The following CDH6 variants were observed in gnomAD, a reference collection of about 807,000 sequenced individuals.
CDH6 encodes the protein cadherin-6.
CDH6 carries 31 observed loss-of-function variants against 78.0 expected under a neutral mutation model. That is an observed-to-expected ratio of 0.40 (90% CI 0.30 to 0.54). The LOEUF is 0.54. CDH6 is among the 20% of genes least tolerant of loss of function. The pLI, the probability that CDH6 is intolerant of heterozygous loss-of-function variation, is 0.56. For synonymous variants in CDH6, 376 were observed against 368.8 expected, an observed-to-expected ratio of 1.02 and a Z score of -0.23; for missense variants, 724 against 975.9, an observed-to-expected ratio of 0.74 and a Z score of 3.44.
chr5:31,309,211 C>A (rs974777443), intron 7 of CDH6, among the ~76,000 whole-genome samples: 6 of 152,216 alleles, frequency 3.9e-5, no homozygotes, highest in African/African-American at 1.4e-4. Flanking sequence ...TTGTGAACTT[C>A]ATTAATTCTC....
chr5:31,310,366 G>A (rs1738113385), intron 7 of CDH6, among the ~76,000 whole-genome samples: 1 of 152,218 alleles, frequency 6.6e-6, no homozygotes, highest in South Asian at 2.1e-4. Context: ...CTCCATTCCT[G>A]TGGCTCTGAA....
At chr5:31,214,658 T>C (rs929520517) in intron 1 of CDH6, among the ~76,000 whole-genome samples, 3 of 152,224 alleles carry the variant, frequency 2.0e-5, no homozygotes, top group African/African-American at 7.2e-5. Context: ...TAAGCCTTTA[T>C]TTACTGATTG....
intron 2 of CDH6, among the ~76,000 whole-genome samples, chr5:31,292,355 C>A (rs777804698): frequency 1.3e-5 from 2 of 152,126 alleles, no homozygotes; most frequent in Non-Finnish European, 2.9e-5. Context: ...AAGAAAGAGG[C>A]CGTATATAAA....
rs1240853832 is a variant in CDH6 at position 31,324,906 on chromosome 5, C to T, written c.*1598C>T. The T allele has an allele frequency of 5.0e-6, 1 of 200,536 alleles. No individual in the cohort carries two copies. The highest frequency in any genetic ancestry group is 1.0e-5 in the Non-Finnish European group (1 of 97,798). The allele number at this position is 200,536 out of a possible 1,614,324, so 12.4% of individuals were successfully genotyped here. ...ATGAAAACATCCTTGTTTTGAAAAC[C>T]TAAAAGACAGGCTCTGTATATATAT... On this transcript the variant is annotated 3_prime_UTR_variant, in exon 12 of 12. Coordinates refer to ENST00000265071, the MANE Select transcript of CDH6 (RefSeq NM_004932.4).
chr5:31,222,366 G>T (rs1741025768), intron 1 of CDH6, among the ~76,000 whole-genome samples: 1 of 152,028 alleles, frequency 6.6e-6, no homozygotes, highest in Admixed American at 6.5e-5. Context: ...CAGAGAAAGT[G>T]AATTAGATAT....
At chr5:31,284,531 G>T (rs1742962310) in intron 2 of CDH6, among the ~76,000 whole-genome samples, 1 of 152,222 alleles carries the variant, frequency 6.6e-6, no homozygotes, top group African/African-American at 2.4e-5. Context: ...ATTCCCATGA[G>T]CCTTCCTGGG....
At chr5:31,261,384 A>T (rs1742207836) in intron 1 of CDH6, among the ~76,000 whole-genome samples, 1 of 152,226 alleles carries the variant, frequency 6.6e-6, no homozygotes, top group Non-Finnish European at 1.5e-5. Flanking sequence ...TATGATACTT[A>T]TGCTAAAAAG....
At chr5:31,302,968 G>GGAAGGAAAGA (rs1737870451) in intron 6 of CDH6, among the ~76,000 whole-genome samples, 110 of 119,056 alleles carry the variant, frequency 9.2e-4, no homozygotes, top group African/African-American at 3.3e-3. Context: ...GGAAAGAAAA[G>GGAAGGAAAGA]AAAGAAAGAA....
intron 1 of CDH6, among the ~76,000 whole-genome samples, chr5:31,261,046 C>T (rs957390290): frequency 6.6e-6 from 1 of 152,144 alleles, no homozygotes; most frequent in African/African-American, 2.4e-5. Flanking sequence ...CTTGAGCAAG[C>T]TTAATTGGCT....
intron 2 of CDH6, among the ~76,000 whole-genome samples, chr5:31,290,122 T>C (rs527628712): frequency 3.6e-4 from 54 of 152,102 alleles, no homozygotes; most frequent in African/African-American, 1.3e-3. Flanking sequence ...TAGCCAGGTG[T>C]GGTGGTGGAT....
At chr5:31,320,428 T>C (rs1479951635) in intron 11 of CDH6, among the ~76,000 whole-genome samples, 1 of 152,200 alleles carries the variant, frequency 6.6e-6, no homozygotes, top group Non-Finnish European at 1.5e-5. Flanking sequence ...AGGTGATAAA[T>C]GCCTGCCCCT....
At chr5:31,226,173 G>T (rs952366103) in intron 1 of CDH6, among the ~76,000 whole-genome samples, 1 of 151,988 alleles carries the variant, frequency 6.6e-6, no homozygotes, top group East Asian at 1.9e-4. Flanking sequence ...CACAGAGTAC[G>T]TATGTATGTA....
At chr5:31,250,566 G>A (rs1305909004) in intron 1 of CDH6, 1 of 152,670 alleles carries the variant, frequency 6.6e-6, no homozygotes, top group Non-Finnish European at 1.5e-5. Context: ...GGATGACAAG[G>A]ACAGAGACAC....
chr5:31,227,814 C>A (rs559105704), intron 1 of CDH6, among the ~76,000 whole-genome samples: 1 of 152,284 alleles, frequency 6.6e-6, no homozygotes, highest in South Asian at 2.1e-4. Flanking sequence ...CTACCTTAAC[C>A]ATCCTACATC....
At chr5:31,293,278 T>C (rs560556921) in intron 2 of CDH6, among the ~76,000 whole-genome samples, 4 of 152,306 alleles carry the variant, frequency 2.6e-5, no homozygotes, top group Non-Finnish European at 5.9e-5. Flanking sequence ...TTGTTCCAAG[T>C]GACCTGTAAA....
intron 1 of CDH6, among the ~76,000 whole-genome samples, chr5:31,210,875 CAGAT>C (rs2111803950): frequency 6.6e-6 from 1 of 152,186 alleles, no homozygotes; most frequent in Non-Finnish European, 1.5e-5. Flanking sequence ...GCTGAACGCA[CAGAT>C]ACAGAGGGCC....
Position 31,323,398 on chromosome 5 carries a change from C to A in CDH6, c.*90C>A. 1 of 1,417,102 alleles carries A rather than the reference C, an allele frequency of 7.1e-7. No individual in the cohort carries two copies. Among genetic ancestry groups the A allele is most frequent in the East Asian group, 2.3e-5 (1 of 43,422 alleles). 87.8% of individuals were successfully genotyped at this position (1,417,102 alleles called of 1,614,324 possible). ...TATCCACTACTCCGTGAAGGCTTCTCTGTTCTACCCGTTCCAAAAGCCAAT... is the reference window on the plus strand; with the variant it reads ...TATCCACTACTCCGTGAAGGCTTCTATGTTCTACCCGTTCCAAAAGCCAAT... On this transcript the variant is annotated 3_prime_UTR_variant, in exon 12 of 12. Coordinates refer to ENST00000265071, the MANE Select transcript of CDH6 (RefSeq NM_004932.4).
intron 1 of CDH6, among the ~76,000 whole-genome samples, chr5:31,236,626 G>T (rs1741461265): frequency 6.6e-6 from 1 of 152,052 alleles, no homozygotes; most frequent in Admixed American, 6.6e-5. Context: ...TAATCTACTG[G>T]AACATTACTG....
At chr5:31,311,344 C>T (rs574192675) in intron 7 of CDH6, among the ~76,000 whole-genome samples, 1 of 152,216 alleles carries the variant, frequency 6.6e-6, no homozygotes, top group African/African-American at 2.4e-5. Context: ...CCCTCTGAGA[C>T]CTCCTCAGCC....
Sources: allele counts gnomAD v4.1 joint callset (sites outside exome capture counted in the v4.1 genomes callset), GRCh38; gene constraint gnomAD v4.1.1; transcripts MANE v1.5; gene names NCBI Gene and HGNC (gene_info 2026-07-23, HGNC 2026-07-21).